Variants in ITGAV observed in about 807,000 individuals in gnomAD.
ITGAV encodes integrin subunit alpha V, also known as integrin alpha-V.
In ITGAV, 76 loss-of-function variants were observed where a neutral mutation model predicts 143.8. The ratio of observed to expected loss-of-function variants is 0.53; its 90% CI spans 0.44 to 0.64. The LOEUF (loss-of-function observed/expected upper bound fraction) is 0.64, where lower values mean the gene tolerates loss of function less well. ITGAV is among the 30% of genes least tolerant of loss of function. The pLI, the probability that ITGAV is intolerant of heterozygous loss-of-function variation, is 0.00. For missense variants in ITGAV, 1,193 were observed against 1,274.7 expected, an observed-to-expected ratio of 0.94 and a Z score of 0.98; for synonymous variants, 453 against 446.7, an observed-to-expected ratio of 1.01 and a Z score of -0.18.
In ITGAV at chr2:186,618,615, G is replaced by C. The variant is rs191565334; in HGVS notation, c.317-3724G>C. On this transcript the variant is annotated intron_variant, in intron 2 of 29. Transcript: ENST00000261023. The stretch of plus-strand genomic sequence containing the variant: ...GTATACAAATTTAAAGAAAAGTAAC[G>C]TTTGTTAAGAAAAACATTCATGGAG... Among the ~76,000 whole-genome samples the C allele has an allele frequency of 5.7e-3, 867 of 152,298 alleles. 9 individuals carry two copies. The highest frequency in any genetic ancestry group is 0.02 in the African/African-American group (838 of 41,576).
chr2:186,660,840 C>T (rs1461168625), intron 18 of ITGAV, among the ~76,000 whole-genome samples: 2 of 152,138 alleles, frequency 1.3e-5, no homozygotes, highest in African/African-American at 2.4e-5. Flanking sequence ...CTTCTGAGGC[C>T]TCTCTTCTTG....
chr2:186,673,972 A>G (rs1158721932), intron 26 of ITGAV, among the ~76,000 whole-genome samples: 1 of 151,834 alleles, frequency 6.6e-6, no homozygotes, highest in Non-Finnish European at 1.5e-5. Flanking sequence ...TGCCTGGTCT[A>G]TTTTTATTTT....
chr2:186,634,466 A>G (rs549562124), intron 6 of ITGAV, among the ~76,000 whole-genome samples: 1 of 150,320 alleles, frequency 6.7e-6, no homozygotes, highest in African/African-American at 2.4e-5. Flanking sequence ...TGTAGAAAAC[A>G]TGCTTGCTTT....
intron 1 of ITGAV, among the ~76,000 whole-genome samples, chr2:186,591,859 A>C (rs975184669): frequency 6.6e-6 from 1 of 152,114 alleles, no homozygotes; most frequent in Admixed American, 6.5e-5. Context: ...GACCTGGAGC[A>C]CAGATTTTCC....
intron 3 of ITGAV, among the ~76,000 whole-genome samples, chr2:186,624,807 T>C (rs2105689102): frequency 6.6e-6 from 1 of 152,302 alleles, no homozygotes; most frequent in South Asian, 2.1e-4. Flanking sequence ...ACTCTCTTAA[T>C]AAACTATTTG....
rs543771524 is a variant in ITGAV, at chr2:186,633,378, G to A, written c.631+4G>A. The A allele has an allele frequency of 1.6e-4, 252 of 1,565,702 alleles. No homozygotes were observed. The South Asian group carries it at 2.7e-3, about 17-fold the overall frequency. On this transcript the variant is annotated splice_donor_region_variant and intron_variant, in intron 6 of 29. Transcript: ENST00000261023. ...CCTGGTAGCTTTTATTGGCAAGGTA[G>A]GTTAATATTTTTTAAATTACAATTG...
chr2:186,665,695 C>T (rs1688878284), intron 21 of ITGAV, among the ~76,000 whole-genome samples: 1 of 152,158 alleles, frequency 6.6e-6, no homozygotes, highest in South Asian at 2.1e-4. Flanking sequence ...CAGCCAATGG[C>T]TTGCTTTCCG....
chr2:186,676,237 T>G (rs1689205046), intron 28 of ITGAV: 1 of 232,966 alleles, frequency 4.3e-6, no homozygotes, highest in Non-Finnish European at 8.2e-6. Flanking sequence ...CTGCAACAAG[T>G]GAGGCATTTT....
chr2:186,666,824 A>G, intron 22 of ITGAV, 41 bp downstream of exon 22: 1 of 1,071,066 alleles, frequency 9.3e-7, no homozygotes. Context: ...TATCAAATAA[A>G]TATTATTTGT....
intron 26 of ITGAV, among the ~76,000 whole-genome samples, chr2:186,672,000 G>A (rs777722363): frequency 7.1e-6 from 1 of 141,774 alleles, no homozygotes; most frequent in South Asian, 2.3e-4. Flanking sequence ...CACCCAGGCT[G>A]GAGTCCAGTG....
At chr2:186,641,787 ACT>A (rs974259625) in intron 12 of ITGAV, 199 bp downstream of exon 12, 2 of 571,922 alleles carry the variant, frequency 3.5e-6, no homozygotes, top group African/African-American at 3.8e-5. Context: ...TCAATAATGG[ACT>A]CTCATGAGTT....
intron 10 of ITGAV, among the ~76,000 whole-genome samples, 166 bp downstream of exon 10, chr2:186,638,631 CGTGTGTGTGTGTGTGTGTGTGT>C (rs34535817): frequency 1.4e-5 from 2 of 144,792 alleles, no homozygotes; most frequent in African/African-American, 2.6e-5. Flanking sequence ...CTCTTTTGAG[CGTGTGTGTGTGTGTGTGTGTGT>C]GTGTGTGTGT....
intron 1 of ITGAV, among the ~76,000 whole-genome samples, chr2:186,595,912 C>T (rs550462885): frequency 1.3e-5 from 2 of 152,182 alleles, no homozygotes; most frequent in Non-Finnish European, 2.9e-5. Flanking sequence ...GGCTTTTCTA[C>T]CCTTCTTTCT....
chr2:186,632,392 G>A (rs1417552923), intron 5 of ITGAV, among the ~76,000 whole-genome samples: 1 of 150,062 alleles, frequency 6.7e-6, no homozygotes, highest in Non-Finnish European at 1.5e-5. Context: ...AGAAAAGGGT[G>A]TCTTTTTAGG....
At chr2:186,599,155 A>G (rs1295770079) in intron 1 of ITGAV, among the ~76,000 whole-genome samples, 3 of 152,218 alleles carry the variant, frequency 2.0e-5, no homozygotes, top group Middle Eastern at 3.2e-3. Context: ...ATTTAATGAA[A>G]CAAAATGATT....
chr2:186,592,296 G>A (rs1198704991), intron 1 of ITGAV, among the ~76,000 whole-genome samples: 1 of 152,078 alleles, frequency 6.6e-6, no homozygotes, highest in Non-Finnish European at 1.5e-5. Flanking sequence ...AAAATTAACC[G>A]GGCATGGTGG....
At chr2:186,637,744 C>T (rs1002631894) in intron 8 of ITGAV, among the ~76,000 whole-genome samples, 26 of 152,128 alleles carry the variant, frequency 1.7e-4, no homozygotes, top group Non-Finnish European at 8.8e-5. Flanking sequence ...CAAATTCATT[C>T]CTCTGGGAGG....
Position 186,638,393 on chromosome 2 carries a change from T to C in ITGAV, c.847-16T>C. 1 of 1,609,716 alleles carries C rather than the reference T, an allele frequency of 6.2e-7. No individual in the cohort carries two copies. The highest frequency in any genetic ancestry group is 8.5e-7 in the Non-Finnish European group (1 of 1,176,222). On this transcript the variant is annotated splice_polypyrimidine_tract_variant and intron_variant, in intron 9 of 29. Transcript: ENST00000261023. ...TATTTTACCAGATTTCACATACTTC[T>C]ATTTTTCCTTCACAGGTTTATATTT... is the stretch of plus-strand genomic sequence containing the variant.
At chr2:186,644,396 G>A (rs1688192324) in intron 12 of ITGAV, among the ~76,000 whole-genome samples, 1 of 151,914 alleles carries the variant, frequency 6.6e-6, no homozygotes, top group African/African-American at 2.4e-5. Flanking sequence ...CACGATATCG[G>A]CTCACTGCAA....
Sources: allele counts gnomAD v4.1 joint callset (sites outside exome capture counted in the v4.1 genomes callset), GRCh38; gene constraint gnomAD v4.1.1; transcripts MANE v1.5; gene names NCBI Gene and HGNC (gene_info 2026-07-23, HGNC 2026-07-21).